The following BCKDHB variants were observed in gnomAD, a reference collection of about 807,000 sequenced individuals.
BCKDHB encodes the protein branched chain keto acid dehydrogenase E1 subunit beta, also known as 2-oxoisovalerate dehydrogenase subunit beta, mitochondrial.
A neutral mutation model predicts 48.5 loss-of-function variants in BCKDHB; 41 were observed. The ratio of observed to expected loss-of-function variants is 0.85; its 90% CI spans 0.66 to 1.10. The LOEUF (loss-of-function observed/expected upper bound fraction) is 1.10. BCKDHB is among the 50% of genes least tolerant of loss of function. The pLI, the probability that BCKDHB is intolerant of heterozygous loss-of-function variation, is 0.00. For synonymous variants in BCKDHB, 201 were observed against 174.8 expected, an observed-to-expected ratio of 1.15 and a Z score of -1.18; for missense variants, 496 against 494.2, an observed-to-expected ratio of 1.00 and a Z score of -0.03.
the BCKDHB span, among the ~76,000 whole-genome samples, chr6:80,383,751 C>G: frequency 6.6e-6 from 1 of 151,820 alleles, no homozygotes; most frequent in African/African-American, 2.4e-5. Context: ...CTACTGTGTC[C>G]CACGTCACAT....
the BCKDHB span, among the ~76,000 whole-genome samples, chr6:80,455,679 C>A: frequency 6.6e-6 from 1 of 151,544 alleles, no homozygotes; most frequent in Non-Finnish European, 1.5e-5. Flanking sequence ...GGACCGGATC[C>A]CTTCCCTCTC....
intron 8 of BCKDHB, among the ~76,000 whole-genome samples, chr6:80,225,116 C>G (rs1775628041): frequency 6.6e-6 from 1 of 152,180 alleles, no homozygotes; most frequent in South Asian, 2.1e-4. Flanking sequence ...AGCATTCCAT[C>G]CGTTCCTTTC....
chr6:80,411,997 G>T, the BCKDHB span, among the ~76,000 whole-genome samples: 2 of 152,318 alleles, frequency 1.3e-5, no homozygotes, highest in South Asian at 2.1e-4. Flanking sequence ...AGATGAACAA[G>T]GTACCTCAGT....
At chr6:80,141,159 A>T (rs549921763) in intron 3 of BCKDHB, among the ~76,000 whole-genome samples, 2 of 152,124 alleles carry the variant, frequency 1.3e-5, no homozygotes, top group South Asian at 4.1e-4. Flanking sequence ...TATCCCCTTT[A>T]TCATTTTTAA....
the BCKDHB span, among the ~76,000 whole-genome samples, chr6:80,459,276 A>C: frequency 2.0e-5 from 3 of 152,216 alleles, no homozygotes; most frequent in Non-Finnish European, 4.4e-5. Context: ...TGGTATATAC[A>C]CATAATATAA....
the BCKDHB span, among the ~76,000 whole-genome samples, chr6:80,418,596 T>C: frequency 2.0e-5 from 3 of 152,348 alleles, no homozygotes; most frequent in East Asian, 5.8e-4. Flanking sequence ...GTGCTCTAAC[T>C]CTGTGTTCTT....
chr6:80,407,983 TG>T, the BCKDHB span, among the ~76,000 whole-genome samples: 1 of 152,210 alleles, frequency 6.6e-6, no homozygotes, highest in African/African-American at 2.4e-5. Context: ...TGATATTGGC[TG>T]TGGGTTTCTC....
Position 80,220,268 on chromosome 6 carries a change from C to T in BCKDHB, c.951+17056C>T, listed in dbSNP as rs187977863. ...TTTCAATCTCATCAATCAAAATTTC[C>T]CCCTTGTACTCAGTTATTTTTGTAT... is the stretch of plus-strand genomic sequence containing the variant. On this transcript the variant is annotated intron_variant, in intron 8 of 9. Coordinates refer to ENST00000320393, the MANE Select transcript of BCKDHB (RefSeq NM_183050.4). Among the ~76,000 whole-genome samples, 434 of 144,954 alleles carry T rather than the reference C, an allele frequency of 3.0e-3. 2 individuals are homozygous for T. Among genetic ancestry groups the T allele is most frequent in the African/African-American group, 0.01 (419 of 40,206 alleles).
At chr6:80,198,486 C>A (rs1331007761) in intron 6 of BCKDHB, among the ~76,000 whole-genome samples, 3 of 152,072 alleles carry the variant, frequency 2.0e-5, no homozygotes, top group African/African-American at 7.2e-5. Flanking sequence ...TGATATTAAG[C>A]TCTCACTGAC....
At chr6:80,440,564 T>C in the BCKDHB span, among the ~76,000 whole-genome samples, 1 of 152,076 alleles carries the variant, frequency 6.6e-6, no homozygotes, top group African/African-American at 2.4e-5. Context: ...ACACCCCACA[T>C]GCCCATGTTT....
chr6:80,343,681 C>T lies in BCKDHB; in HGVS notation c.1056C>T (p.Asn352=). 2 of 1,613,956 alleles carry T rather than the reference C, an allele frequency of 1.2e-6. No individual in the cohort carries two copies. Among genetic ancestry groups the T allele is most frequent in the Non-Finnish European group, 1.7e-6 (2 of 1,179,966 alleles). ...GTCTGCAGGAGGAATGTTTCTTGAA[C>T]CTAGAGGCTCCTATATCAAGAGTAT... ...SSTVQEECFL[N]LEAPISRVCG... is the part of the protein sequence containing the mutation. The change falls in exon 10 of 10, where the codon AAC becomes AAT. Residue 352 remains asparagine, a synonymous_variant. Coordinates refer to ENST00000320393, the MANE Select transcript of BCKDHB (RefSeq NM_183050.4).
chr6:80,445,198 T>C, the BCKDHB span, among the ~76,000 whole-genome samples: 1 of 152,196 alleles, frequency 6.6e-6, no homozygotes, highest in Non-Finnish European at 1.5e-5. Context: ...GCCTGGCACA[T>C]CCCATTGACT....
intron 9 of BCKDHB, among the ~76,000 whole-genome samples, chr6:80,321,770 G>GT (rs1418549797): frequency 2.0e-5 from 3 of 152,100 alleles, no homozygotes; most frequent in Admixed American, 6.6e-5. Context: ...ATATTCAATA[G>GT]TAATCAAAAC....
At chr6:80,436,317 C>A in the BCKDHB span, among the ~76,000 whole-genome samples, 4 of 151,722 alleles carry the variant, frequency 2.6e-5, no homozygotes, top group Non-Finnish European at 4.4e-5. Context: ...CGCCACCACA[C>A]CTGGCTAATT....
In BCKDHB at chr6:80,310,946, G is replaced by A. The variant is rs1294471673; in HGVS notation, c.1039-32718G>A. 2.6e-5 allele frequency among the ~76,000 whole-genome samples: 4 copies of A among 152,158 alleles called. 1 individual carries two copies. The East Asian group carries it at 5.8e-4, about 22-fold the overall frequency. On this transcript the variant is annotated intron_variant, in intron 9 of 9. Transcript: ENST00000320393. ...TGTCCTTTGCCCACTTTTTAATGAG[G>A]TTCTTTTTTTCTTGTAAATTTGTTT...
intron 1 of BCKDHB, among the ~76,000 whole-genome samples, chr6:80,112,352 C>T (rs1265418857): frequency 6.6e-6 from 1 of 152,062 alleles, no homozygotes; most frequent in Non-Finnish European, 1.5e-5. Context: ...GGCCAAACCT[C>T]CCCAGACTCC....
intron 8 of BCKDHB, among the ~76,000 whole-genome samples, chr6:80,222,984 G>A (rs1276875655): frequency 2.0e-5 from 3 of 152,180 alleles, no homozygotes; most frequent in Non-Finnish European, 4.4e-5. Context: ...GAAAAGTTAT[G>A]TTGATGAAGG....
At chr6:80,348,373 A>T (rs1770299250), downstream of BCKDHB, among the ~76,000 whole-genome samples, 1 of 152,148 alleles carries the variant, frequency 6.6e-6, no homozygotes, top group South Asian at 2.1e-4. Flanking sequence ...CCTAGAGTGG[A>T]TACATGTGGT....
intron 9 of BCKDHB, among the ~76,000 whole-genome samples, chr6:80,285,511 A>C (rs1766584066): frequency 1.8e-5 from 1 of 54,176 alleles, no homozygotes; most frequent in Non-Finnish European, 4.4e-5. Flanking sequence ...GGTAGTAAGC[A>C]TGGATACTCT....
Sources: gnomAD v4.1 joint callset for allele counts (sites outside exome capture counted in the v4.1 genomes callset) on GRCh38, gnomAD v4.1.1 for gene constraint, MANE v1.5 for transcripts, NCBI Gene and HGNC (gene_info 2026-07-23, HGNC 2026-07-21) for gene names.